DCLK1: variants seen among roughly 807,000 people sequenced by gnomAD.
DCLK1 encodes the protein doublecortin like kinase 1, also known as serine/threonine-protein kinase DCLK1.
Under a neutral mutation model 86.2 loss-of-function variants are expected in DCLK1, and 16 were observed. That is an observed-to-expected ratio of 0.19 (90% confidence interval 0.13 to 0.28). The LOEUF (loss-of-function observed/expected upper bound fraction) is 0.28. DCLK1 is among the 10% of genes least tolerant of loss of function. The pLI is 1.00. For missense variants in DCLK1, 590 were observed against 940.2 expected (o/e 0.63, Z 4.87); for synonymous variants, 369 against 370.5 (o/e 1.00, Z 0.05).
chr13:36,030,897 G>A (rs936832352), intron 3 of DCLK1, among the ~76,000 whole-genome samples: 2 of 151,946 alleles, frequency 1.3e-5, no homozygotes, highest in East Asian at 1.9e-4. Flanking sequence ...CCACAATGCC[G>A]GCCCAGCACC....
At chr13:36,127,376 T>C (rs1187512178) in intron 1 of DCLK1, among the ~76,000 whole-genome samples, 2 of 152,216 alleles carry the variant, frequency 1.3e-5, no homozygotes, top group Non-Finnish European at 2.9e-5. Context: ...TTCTTGGTTC[T>C]TCCTTTCATT....
intron 6 of DCLK1, among the ~76,000 whole-genome samples, chr13:35,853,488 C>T (rs753390429): frequency 2.6e-5 from 4 of 152,140 alleles, no homozygotes; most frequent in Non-Finnish European, 4.4e-5. Context: ...TGAATCTCCC[C>T]GCCCCGCACT....
chr13:35,978,738 C>T (rs1479514208), intron 3 of DCLK1, among the ~76,000 whole-genome samples: 1 of 152,192 alleles, frequency 6.6e-6, no homozygotes, highest in Non-Finnish European at 1.5e-5. Context: ...CTCAAATTTA[C>T]ACTTACCCTG....
At chr13:36,056,038 C>A (rs913914608) in intron 3 of DCLK1, among the ~76,000 whole-genome samples, 1 of 148,922 alleles carries the variant, frequency 6.7e-6, no homozygotes, top group Non-Finnish European at 1.5e-5. Context: ...CTAGTTCAAC[C>A]ATTGTGGAAG....
At chr13:36,103,001 T>A (rs1454980363) in intron 3 of DCLK1, among the ~76,000 whole-genome samples, 2 of 152,194 alleles carry the variant, frequency 1.3e-5, no homozygotes, top group Admixed American at 1.3e-4. Flanking sequence ...CCCACATAAA[T>A]GTGCAGACTC....
intron 5 of DCLK1, among the ~76,000 whole-genome samples, chr13:35,856,381 A>G (rs1871059415): frequency 6.6e-6 from 1 of 152,214 alleles, no homozygotes; most frequent in African/African-American, 2.4e-5. Flanking sequence ...ACTAGTAAGA[A>G]AGGGATGCCT....
intron 6 of DCLK1, among the ~76,000 whole-genome samples, chr13:35,853,337 T>C (rs1270746878): frequency 6.6e-6 from 1 of 152,190 alleles, no homozygotes; most frequent in Non-Finnish European, 1.5e-5. Flanking sequence ...ACCACGGCCA[T>C]TTAGTGGACA....
chr13:36,097,697 C>A (rs1441774931), intron 3 of DCLK1, among the ~76,000 whole-genome samples: 2 of 152,092 alleles, frequency 1.3e-5, no homozygotes, highest in African/African-American at 2.4e-5. Context: ...CTTTTGGCAA[C>A]CCAGTCTAAC....
chr13:35,812,622 A>G (rs929595709), intron 11 of DCLK1, among the ~76,000 whole-genome samples: 1 of 152,250 alleles, frequency 6.6e-6, no homozygotes, highest in Admixed American at 6.5e-5. Context: ...TGGATCCAAC[A>G]GTTTTGGCAG....
chr13:36,088,019 G>A (rs1884677098), intron 3 of DCLK1, among the ~76,000 whole-genome samples: 1 of 152,194 alleles, frequency 6.6e-6, no homozygotes, highest in African/African-American at 2.4e-5. Flanking sequence ...CATGATGTGG[G>A]AAAATGGCCA....
At chr13:36,001,740 G>T (rs1202993701) in intron 3 of DCLK1, among the ~76,000 whole-genome samples, 1 of 152,086 alleles carries the variant, frequency 6.6e-6, no homozygotes, top group Non-Finnish European at 1.5e-5. Flanking sequence ...TCTAAACAAA[G>T]GTTTCCTTTT....
At chr13:36,065,041 A>G (rs915836004) in intron 3 of DCLK1, among the ~76,000 whole-genome samples, 1 of 152,230 alleles carries the variant, frequency 6.6e-6, no homozygotes, top group African/African-American at 2.4e-5. Flanking sequence ...CGGACTGCAG[A>G]TATTTGAGAA....
At chr13:36,022,211 A>G (rs1881814359) in intron 3 of DCLK1, among the ~76,000 whole-genome samples, 1 of 152,148 alleles carries the variant, frequency 6.6e-6, no homozygotes, top group Admixed American at 6.5e-5. Flanking sequence ...GAAATTACAA[A>G]ATAGTTCAAG....
At chr13:36,068,034 A>G (rs930591161) in intron 3 of DCLK1, among the ~76,000 whole-genome samples, 7 of 152,236 alleles carry the variant, frequency 4.6e-5, no homozygotes, top group African/African-American at 1.7e-4. Context: ...TACAGAAAGA[A>G]AAAACTTAAG....
At chr13:35,901,900 T>C (rs1270633310) in intron 4 of DCLK1, among the ~76,000 whole-genome samples, 1 of 151,902 alleles carries the variant, frequency 6.6e-6, no homozygotes, top group Non-Finnish European at 1.5e-5. Flanking sequence ...TTTTTTTTTT[T>C]TGAGGGAGCA....
chr13:35,801,127 G>A (rs1354692531), intron 15 of DCLK1, among the ~76,000 whole-genome samples: 2 of 152,152 alleles, frequency 1.3e-5, no homozygotes, highest in African/African-American at 2.4e-5. Context: ...TTTTGACAAC[G>A]TCCTTACGGT....
chr13:36,111,571 CTG>C (rs1885620045), intron 3 of DCLK1, among the ~76,000 whole-genome samples: 1 of 152,070 alleles, frequency 6.6e-6, no homozygotes, highest in Non-Finnish European at 1.5e-5. Context: ...TATGAGAAAA[CTG>C]AAAACAGATG....
At chr13:35,965,986 A>G (rs1878714378) in intron 3 of DCLK1, among the ~76,000 whole-genome samples, 1 of 152,238 alleles carries the variant, frequency 6.6e-6, no homozygotes, top group South Asian at 2.1e-4. Flanking sequence ...AAAAACAGAA[A>G]GCTCAAGGTA....
In DCLK1 at chr13:35,834,700, G is replaced by C. The variant is rs138097236; in HGVS notation, c.1229+1333C>G. On this transcript the variant is annotated intron_variant, in intron 8 of 16. Coordinates refer to ENST00000360631, the MANE Select transcript of DCLK1 (RefSeq NM_001330071.2). ...GTGCCAAATGGCCAAGCTTCGTGGAGAGGTGGGGGAATGAGAGGGAGAGAG... is the reference window on the plus strand; with the variant it reads ...GTGCCAAATGGCCAAGCTTCGTGGACAGGTGGGGGAATGAGAGGGAGAGAG... Among the ~76,000 whole-genome samples the C allele has an allele frequency of 7.9e-5, 12 of 152,304 alleles. No individual in the cohort carries two copies. The East Asian group carries it at 2.3e-3, about 29-fold the overall frequency.
Sources: allele counts gnomAD v4.1 joint callset (sites outside exome capture counted in the v4.1 genomes callset), GRCh38; gene constraint gnomAD v4.1.1; transcripts MANE v1.5; gene names NCBI Gene and HGNC (gene_info 2026-07-23, HGNC 2026-07-21).